PCDHA4: variants seen among roughly 807,000 people sequenced by gnomAD.
The protein encoded by PCDHA4 is protocadherin alpha-4.
A neutral mutation model predicts 61.4 loss-of-function variants in PCDHA4; 49 were observed. The observed-to-expected ratio is 0.80, with a 90% CI of 0.63 to 1.01. The LOEUF (loss-of-function observed/expected upper bound fraction) is 1.01. Among genes scored for constraint, PCDHA4 ranks in the 50% least tolerant of loss-of-function variants. The pLI is 0.00. For synonymous variants in PCDHA4, 590 were observed against 550.3 expected (o/e 1.07, Z -1.01); for missense variants, 1,254 against 1,235.8 (o/e 1.01, Z -0.22).
Position 141,010,188 on chromosome 5 carries a change from T to A in PCDHA4, c.*251T>A. ...CAGAACCTAAAAAGCAGACCCAAGT[T>A]TCCTTTCTCCTCCGCCGCAAAGGAG... is the stretch of plus-strand genomic sequence containing the variant. On this transcript the variant is annotated 3_prime_UTR_variant, in exon 4 of 4. Coordinates refer to ENST00000530339, the MANE Select transcript of PCDHA4 (RefSeq NM_018907.4). 6.4e-7 allele frequency: 1 copy of A among 1,553,070 alleles called. No individual in the cohort carries two copies. The highest frequency in any genetic ancestry group is 1.2e-5 in the South Asian group (1 of 84,340).
At chr5:140,840,691 CG>C (rs1465189614) in intron 1 of PCDHA4, among the ~76,000 whole-genome samples, 3 of 151,924 alleles carry the variant, frequency 2.0e-5, no homozygotes, top group Admixed American at 6.6e-5. Context: ...GTAAATAAAA[CG>C]GTTCAGGCAA....
In PCDHA4 at chr5:140,850,319, A is replaced by G; in HGVS notation, c.2385+40747A>G. The G allele has an allele frequency of 2.5e-6, 4 of 1,597,562 alleles. 1 individual carries two copies. The highest frequency in any genetic ancestry group is 1.1e-5 in the South Asian group (1 of 90,528). Reference sequence around the variant, plus strand: ...ACTCGGGCTACAACGCGTGGCTTTCATACGAGCTGCAGCCAGAAACGGCCA... The same window carrying G: ...ACTCGGGCTACAACGCGTGGCTTTCGTACGAGCTGCAGCCAGAAACGGCCA... On this transcript the variant is annotated intron_variant, in intron 1 of 3. Coordinates refer to ENST00000530339, the MANE Select transcript of PCDHA4 (RefSeq NM_018907.4).
At position 140,842,810 on chromosome 5, in the gene PCDHA4, C is replaced by A. The variant is rs1346749991; in HGVS notation, c.2385+33238C>A. The A allele has an allele frequency of 1.9e-6, 3 of 1,594,008 alleles. 1 individual carries two copies. Among genetic ancestry groups the A allele is most frequent in the Non-Finnish European group, 2.6e-6 (3 of 1,165,400 alleles). ...GCTGGTGTCCTACTCGCTTGTGGAG[C>A]GGCGGGTGGGCGAGCGCTCGCTGTC... On this transcript the variant is annotated intron_variant, in intron 1 of 3. Transcript: ENST00000530339.
At chr5:140,923,660 G>T (rs1442227445) in intron 1 of PCDHA4, among the ~76,000 whole-genome samples, 1 of 152,148 alleles carries the variant, frequency 6.6e-6, no homozygotes, top group South Asian at 2.1e-4. Context: ...TTATCTTTGG[G>T]ATATCGTTCT....
At chr5:140,838,077 AGTGTG>A (rs1171079264) in intron 1 of PCDHA4, among the ~76,000 whole-genome samples, 34 of 80,696 alleles carry the variant, frequency 4.2e-4, no homozygotes, top group African/African-American at 1.3e-3. Context: ...ATATATATAT[AGTGTG>A]TGTGTGTGTG....
At chr5:140,823,024 G>A (rs2150121461) in intron 1 of PCDHA4, 3 of 1,614,202 alleles carry the variant, frequency 1.9e-6, no homozygotes, top group Admixed American at 1.7e-5. Context: ...CCGCGAGAGC[G>A]TGTCGGTCTA....
In PCDHA4 at chr5:140,969,369, C is replaced by A. The variant is rs782020561; in HGVS notation, c.2386-9580C>A. The A allele has an allele frequency of 1.3e-5, 21 of 1,607,718 alleles. 2 individuals carry two copies. In the South Asian group the frequency reaches 2.3e-4, roughly 18 times the overall value. ...TCAGGGGGTCTTCTACAAACTCATG[C>A]ATTTGTTACACATCCCCCAATATCC... is the stretch of plus-strand genomic sequence containing the variant. On this transcript the variant is annotated intron_variant, in intron 1 of 3. Transcript: ENST00000530339.
chr5:140,830,476 TG>T (rs2150187075), intron 1 of PCDHA4: 1 of 1,551,430 alleles, frequency 6.4e-7, no homozygotes, highest in South Asian at 1.2e-5. Context: ...ATGAAGATCA[TG>T]ATGCCAAAGT....
intron 1 of PCDHA4, chr5:140,883,347 G>A (rs782384832): frequency 3.7e-6 from 6 of 1,614,046 alleles, no homozygotes; most frequent in African/African-American, 1.3e-5. Flanking sequence ...CTCCCCATCA[G>A]AGAAGACACT....
intron 1 of PCDHA4, chr5:140,968,708 A>G: frequency 1.2e-6 from 2 of 1,614,126 alleles, no homozygotes; most frequent in Non-Finnish European, 1.7e-6. Flanking sequence ...TACCAGGAAG[A>G]TGGGAGATGA....
At chr5:140,858,437 G>C (rs1343643925) in intron 1 of PCDHA4, 1 of 1,541,950 alleles carries the variant, frequency 6.5e-7, no homozygotes, top group South Asian at 1.2e-5. Context: ...CTCTAGGAAG[G>C]TGGGTTATTA....
intron 2 of PCDHA4, among the ~76,000 whole-genome samples, chr5:140,979,425 A>G (rs1009935948): frequency 2.0e-5 from 3 of 151,814 alleles, no homozygotes; most frequent in African/African-American, 7.3e-5. Context: ...TTTTAATCTC[A>G]CATTGGCTAT....
intron 3 of PCDHA4, among the ~76,000 whole-genome samples, chr5:140,992,867 C>T (rs2097531825): frequency 6.6e-6 from 1 of 152,184 alleles, no homozygotes; most frequent in Admixed American, 6.5e-5. Context: ...CTCTAGCTCC[C>T]TCCTTGATAT....
In PCDHA4 at chr5:141,010,847, A is replaced by C. The variant is rs2098418553; in HGVS notation, c.*910A>C. 6.5e-6 allele frequency: 1 copy of C among 153,782 alleles called. No homozygotes were observed. Among genetic ancestry groups the C allele is most frequent in the Non-Finnish European group, 1.5e-5 (1 of 68,062 alleles). The allele number at this position is 153,782 out of a possible 1,614,324, so 9.5% of individuals were successfully genotyped here. A position where few individuals can be genotyped will look rare whatever the true frequency, so the allele number is the denominator to read the frequency against. ...TTGTTGTTTCATAGATTTATTTAAA[A>C]AAAGAGAAAGTCTATAGCTATAAAT... On this transcript the variant is annotated 3_prime_UTR_variant, in exon 4 of 4. Transcript: ENST00000530339.
intron 1 of PCDHA4, among the ~76,000 whole-genome samples, chr5:140,963,204 AAACCTCGTGTT>A (rs2095746581): frequency 6.6e-6 from 1 of 152,104 alleles, no homozygotes; most frequent in South Asian, 2.1e-4. Context: ...ATGAAAAAAA[AAACCTCGTGTT>A]TAGAGTAGAC....
chr5:140,810,353 G>GT (rs1172814895), intron 1 of PCDHA4: 1 of 152,168 alleles, frequency 6.6e-6, no homozygotes, highest in Non-Finnish European at 1.5e-5. Context: ...TTGCCTAAGA[G>GT]TTGTGTTTGT....
intron 1 of PCDHA4, chr5:140,867,342 T>C (rs1397691528): frequency 6.6e-6 from 1 of 152,154 alleles, no homozygotes; most frequent in Non-Finnish European, 1.5e-5. Flanking sequence ...GATTAGAGGC[T>C]ACTATGATTG....
chr5:140,865,077 A>G (rs2048727264), intron 1 of PCDHA4: 1 of 152,246 alleles, frequency 6.6e-6, no homozygotes, highest in Non-Finnish European at 1.5e-5. Flanking sequence ...TATAAGAACC[A>G]TGGGATATTA....
At chr5:140,857,110 G>C in intron 1 of PCDHA4, 1 of 1,597,820 alleles carries the variant, frequency 6.3e-7, no homozygotes. Flanking sequence ...TCACTTCTCT[G>C]TCTCTCCCAG....
Sources: allele counts gnomAD v4.1 joint callset (sites outside exome capture counted in the v4.1 genomes callset), GRCh38; gene constraint gnomAD v4.1.1; transcripts MANE v1.5; gene names NCBI Gene and HGNC (gene_info 2026-07-23, HGNC 2026-07-21).